The following DOCK10 variants were observed in gnomAD, a reference collection of about 807,000 sequenced individuals.
DOCK10 encodes dedicator of cytokinesis 10, also known as dedicator of cytokinesis protein 10.
Under a neutral mutation model 280.1 loss-of-function variants are expected in DOCK10, and 145 were observed. That is an observed-to-expected ratio of 0.52 (90% confidence interval 0.45 to 0.59). DOCK10 has a LOEUF of 0.59. Ranked by LOEUF, DOCK10 falls within the 20% of genes least tolerant of loss-of-function variation. The pLI is 0.00. For missense variants in DOCK10, 2,368 were observed against 2,651.7 expected, an observed-to-expected ratio of 0.89 and a Z score of 2.35; for synonymous variants, 915 against 942.2, an observed-to-expected ratio of 0.97 and a Z score of 0.53.
intron 1 of DOCK10, among the ~76,000 whole-genome samples, chr2:225,034,599 A>G (rs542172738): frequency 1.3e-5 from 2 of 152,284 alleles, no homozygotes; most frequent in Non-Finnish European, 2.9e-5. Context: ...CACCCTTCTG[A>G]CTTTCCTTAA....
chr2:224,923,660 C>A (rs11694876), intron 2 of DOCK10, among the ~76,000 whole-genome samples: 50,236 of 152,086 alleles, frequency 0.33, 8,416 homozygotes, highest in Middle Eastern at 0.36. Context: ...CCGGCTCCAT[C>A]CCACCTGGCT....
intron 26 of DOCK10, among the ~76,000 whole-genome samples, chr2:224,832,507 A>G (rs1301572372): frequency 1.3e-5 from 2 of 152,214 alleles, no homozygotes; most frequent in African/African-American, 2.4e-5. Context: ...TGACTCAGAT[A>G]AAAAAGAGAA....
intron 1 of DOCK10, among the ~76,000 whole-genome samples, chr2:224,956,886 G>A (rs1704073175): frequency 6.6e-6 from 1 of 152,134 alleles, no homozygotes; most frequent in Non-Finnish European, 1.5e-5. Flanking sequence ...TAACCAGCTG[G>A]ATCACACCGC....
intron 3 of DOCK10, among the ~76,000 whole-genome samples, chr2:224,908,166 TTGTGTGTG>T (rs369490326): frequency 7.3e-6 from 1 of 136,256 alleles, no homozygotes; most frequent in East Asian, 2.2e-4. Flanking sequence ...TTTAAATGAG[TTGTGTGTG>T]TGTGTGTGTA....
At position 224,852,946 on chromosome 2, in the gene DOCK10, A is replaced by G; in HGVS notation, c.2065T>C (p.Cys689Arg). 1 of 1,594,574 alleles carries G rather than the reference A, an allele frequency of 6.3e-7. No homozygotes were observed. The highest frequency in any genetic ancestry group is 2.2e-5 in the East Asian group (1 of 44,680). Residue 689 changes from cysteine to arginine, a missense_variant, in exon 17 of 56, where the codon TGC becomes CGC. By Grantham distance (180) the Cys-to-Arg change is radical. This residue lies in a region of DOCK10 where 1,209 missense variants were observed against 1,250.9 expected (regional missense o/e 0.97). Coordinates refer to ENST00000258390, the MANE Select transcript of DOCK10 (RefSeq NM_014689.3). The part of the protein sequence containing the change: ...PKHLKYDSQK[C>R]FNKARNITVC... Reference sequence around the variant, plus strand: ...AACTTATATCATACCTTGTTGAAGCATTTCTGGCTATCATACTTGAGGTGT... The same window carrying G: ...AACTTATATCATACCTTGTTGAAGCGTTTCTGGCTATCATACTTGAGGTGT...
intron 2 of DOCK10, among the ~76,000 whole-genome samples, chr2:224,921,595 T>C (rs61673984): frequency 0.23 from 35,149 of 152,122 alleles, 4,550 homozygotes; most frequent in Non-Finnish European, 0.28. Flanking sequence ...ATGTTGACTT[T>C]TTACTAAATA....
intron 1 of DOCK10, among the ~76,000 whole-genome samples, chr2:224,964,409 T>C (rs777916936): frequency 1.3e-5 from 2 of 152,156 alleles, no homozygotes; most frequent in African/African-American, 2.4e-5. Flanking sequence ...ACAGGAACCA[T>C]GGACCCAGGA....
Position 224,852,384 on chromosome 2 carries a change from G to A in DOCK10, c.2135C>T (p.Pro712Leu). 6.4e-7 allele frequency: 1 copy of A among 1,571,792 alleles called. No individual in the cohort carries two copies. The highest frequency in any genetic ancestry group is 8.6e-7 in the Non-Finnish European group (1 of 1,157,406). Residue 712 changes from proline (P) to leucine (L), a missense_variant, in exon 18 of 56, where the codon CCC becomes CTC. This residue lies in a region of DOCK10 where 1,209 missense variants were observed against 1,250.9 expected (regional missense o/e 0.97). Coordinates refer to ENST00000258390, the MANE Select transcript of DOCK10 (RefSeq NM_014689.3). Reference sequence around the variant, plus strand: ...TTTGCTGACTTGGCTCACCTTCAGGGGCTTGGCACTTTCTTCATCTGAATT... The same window carrying A: ...TTTGCTGACTTGGCTCACCTTCAGGAGCTTGGCACTTTCTTCATCTGAATT... ...FKNSDEESAK[P>L]LKCIYGKPGG...
At chr2:224,811,511 T>G (rs1271634848) in intron 31 of DOCK10, among the ~76,000 whole-genome samples, 2 of 152,174 alleles carry the variant, frequency 1.3e-5, no homozygotes, top group South Asian at 4.1e-4. Context: ...TTGTCAATTT[T>G]GGCTTTTGTT....
In DOCK10 at chr2:224,916,755, C is replaced by T. The variant is rs772911604; in HGVS notation, c.273G>A (p.Thr91=). 49 of 1,610,792 alleles carry T rather than the reference C, an allele frequency of 3.0e-5. No homozygotes were observed. The East Asian group carries it at 6.0e-4, about 20-fold the overall frequency. ...CATCTTCAGGTACTGTTGAGTACAACGTGCGGATATCCCAGGAAACTGTGG... is the reference window on the plus strand; with the variant it reads ...CATCTTCAGGTACTGTTGAGTACAATGTGCGGATATCCCAGGAAACTGTGG... The part of the protein sequence containing the change: ...SAATVSWDIR[T]LYSTVPEDAE... The change falls in exon 3 of 56, where the codon ACG becomes ACA. Residue 91 remains threonine, a synonymous_variant. Coordinates refer to ENST00000258390, the MANE Select transcript of DOCK10 (RefSeq NM_014689.3).
chr2:224,787,936 A>T (rs1403642771), intron 48 of DOCK10, among the ~76,000 whole-genome samples: 3 of 152,104 alleles, frequency 2.0e-5, no homozygotes, highest in African/African-American at 7.2e-5. Context: ...CCACTCCATT[A>T]TTAGAATACC....
intron 15 of DOCK10, among the ~76,000 whole-genome samples, chr2:224,856,145 C>T (rs1030141273): frequency 1.3e-5 from 2 of 152,198 alleles, no homozygotes; most frequent in African/African-American, 4.8e-5. Context: ...AAACATTTGT[C>T]AGCACATCAC....
intron 29 of DOCK10, among the ~76,000 whole-genome samples, chr2:224,817,786 C>G (rs556886279): frequency 1.3e-5 from 2 of 152,328 alleles, no homozygotes; most frequent in South Asian, 4.1e-4. Context: ...TGTAACTCCT[C>G]TGGTCAAAAT....
chr2:224,788,702 G>C (rs982342839), intron 48 of DOCK10, among the ~76,000 whole-genome samples: 1 of 152,140 alleles, frequency 6.6e-6, no homozygotes, highest in Non-Finnish European at 1.5e-5. Flanking sequence ...AAAGAAACTA[G>C]TGAACTTTTA....
At position 224,915,483 on chromosome 2, in the gene DOCK10, A is replaced by T. The variant is rs1365884622; in HGVS notation, c.333+1212T>A. On this transcript the variant is annotated intron_variant, in intron 3 of 55. Coordinates refer to ENST00000258390, the MANE Select transcript of DOCK10 (RefSeq NM_014689.3). ...ATTCAAAATAATGGAATTGGGAAAA[A>T]AAAGACCGATAAAACAATGATCTGA... Among the ~76,000 whole-genome samples the T allele has an allele frequency of 2.6e-5, 4 of 152,238 alleles. No homozygotes were observed. The East Asian group carries it at 7.7e-4, about 29-fold the overall frequency.
intron 11 of DOCK10, among the ~76,000 whole-genome samples, chr2:224,873,044 C>T (rs757887856): frequency 5.3e-5 from 8 of 152,058 alleles, no homozygotes; most frequent in Admixed American, 1.3e-4. Flanking sequence ...AGTACTAAGA[C>T]GAAGTTTTCA....
At chr2:224,978,328 G>T (rs139123096) in intron 1 of DOCK10, among the ~76,000 whole-genome samples, 1 of 152,316 alleles carries the variant, frequency 6.6e-6, no homozygotes, top group East Asian at 1.9e-4. Context: ...AGCTACTTGG[G>T]AGGCTGAGGC....
rs552778659 is a variant in DOCK10, at chr2:224,803,018, C to A, written c.4269-978G>T. Among the ~76,000 whole-genome samples, 44 of 152,162 alleles carry A rather than the reference C, an allele frequency of 2.9e-4. No individual in the cohort carries two copies. The South Asian group carries it at 8.1e-3, about 28-fold the overall frequency. ...TGAAGCTAGAAGGAGTGCGTGATTC[C>A]TTGGCTCTAGGCTTTAGGCATTTGG... On this transcript the variant is annotated intron_variant, in intron 39 of 55. Transcript: ENST00000258390.
In DOCK10 at chr2:224,837,696, G is replaced by C. The variant is rs968127106; in HGVS notation, c.2850+66C>G. On this transcript the variant is annotated intron_variant, in intron 25 of 55. Transcript: ENST00000258390. ...GGGAGAAAACTTCCCACTTACTGCA[G>C]ACAGGAAATGAGACAAGTCACACAG... 5.8e-6 allele frequency: 8 copies of C among 1,377,464 alleles called. No individual in the cohort carries two copies. In the African/African-American group the frequency reaches 8.5e-5, roughly 15 times the overall value. 85.3% of individuals were successfully genotyped at this position (1,377,464 alleles called of 1,614,324 possible). A position where few individuals can be genotyped will look rare whatever the true frequency, so the allele number is the denominator to read the frequency against.
Sources: gnomAD v4.1 joint callset for allele counts (sites outside exome capture counted in the v4.1 genomes callset) on GRCh38, gnomAD v4.1.1 for gene constraint, gnomAD v4.1.1 regional missense constraint, MANE v1.5 for transcripts, NCBI Gene and HGNC (gene_info 2026-07-23, HGNC 2026-07-21) for gene names.